Variants in OR51E2 observed in about 807,000 individuals in gnomAD.
OR51E2 encodes the protein olfactory receptor 51E2.
OR51E2 carries 14 observed loss-of-function variants against 13.7 expected under a neutral mutation model. The ratio of observed to expected loss-of-function variants is 1.02; its 90% CI spans 0.68 to 1.60. OR51E2 has a LOEUF of 1.60. OR51E2 is among the 40% of genes most tolerant of loss of function. The probability of loss-of-function intolerance (pLI) is 0.00; values close to 1 mark genes in which losing one functional copy is unlikely to be tolerated. For synonymous variants in OR51E2, 180 were observed against 157.6 expected, an observed-to-expected ratio of 1.14 and a Z score of -1.07; for missense variants, 483 against 413.8, an observed-to-expected ratio of 1.17 and a Z score of -1.45.
rs1284564746 is a variant in OR51E2, at chr11:4,681,342, C to T, written c.*407G>A. 1.0e-5 allele frequency: 2 copies of T among 194,604 alleles called. No individual in the cohort carries two copies. Among genetic ancestry groups the T allele is most frequent in the Non-Finnish European group, 2.1e-5 (2 of 95,320 alleles). 12.1% of individuals were successfully genotyped at this position (194,604 alleles called of 1,614,324 possible). On this transcript the variant is annotated 3_prime_UTR_variant, in exon 2 of 2. Transcript: ENST00000396950. Reference sequence around the variant, plus strand: ...ACTCCAGCCTGGTGACAGAGCGAGACCCCATCTCAAAAAAAAAAAAAGTTG... The same window carrying T: ...ACTCCAGCCTGGTGACAGAGCGAGATCCCATCTCAAAAAAAAAAAAAGTTG...
intron 1 of OR51E2, among the ~76,000 whole-genome samples, chr11:4,695,718 A>G (rs964494345): frequency 6.6e-6 from 1 of 151,518 alleles, no homozygotes; most frequent in African/African-American, 2.4e-5. Context: ...AGCAATGTTT[A>G]CCTCCTCCTC....
intron 1 of OR51E2, among the ~76,000 whole-genome samples, chr11:4,683,202 A>C (rs1443800142): frequency 2.0e-5 from 3 of 152,170 alleles, no homozygotes; most frequent in Non-Finnish European, 4.4e-5. Flanking sequence ...ATATGCATTT[A>C]ATTCATGAGA....
In OR51E2 at chr11:4,682,121, A is replaced by C. The variant is rs769737441; in HGVS notation, c.591T>G (p.Tyr197Ter). ...AYADTLPNVV[Y>*]GLTAILLVMG... ...TGACCAGCAGAATGGCAGTAAGACC[A>C]TATACCACATTGGGCAAAGTGTCTG... Residue 197 changes from tyrosine (Y) to a stop codon, truncating the protein, a stop_gained, in exon 2 of 2, where the codon TAT becomes TAG. Transcript: ENST00000396950. LOFTEE classifies it high-confidence loss of function. 1.4e-5 allele frequency: 23 copies of C among 1,614,142 alleles called. No individual in the cohort carries two copies. Among genetic ancestry groups the C allele is most frequent in the Non-Finnish European group, 1.9e-5 (23 of 1,180,046 alleles).
At chr11:4,683,091 T>C (rs547170409) in intron 1 of OR51E2, among the ~76,000 whole-genome samples, 2 of 152,292 alleles carry the variant, frequency 1.3e-5, no homozygotes, top group Admixed American at 6.5e-5. Flanking sequence ...GGGAGCTCCT[T>C]CCAGATAAGG....
At chr11:4,696,331 A>G (rs768402505) in intron 1 of OR51E2, among the ~76,000 whole-genome samples, 2 of 152,122 alleles carry the variant, frequency 1.3e-5, no homozygotes, top group Admixed American at 6.6e-5. Flanking sequence ...CTAGTAAATC[A>G]TTGAATTAAA....
At position 4,695,312 on chromosome 11, in the gene OR51E2, T is replaced by C. The variant is rs574714109; in HGVS notation, c.-51+2341A>G. The stretch of plus-strand genomic sequence containing the variant: ...TTTCCCTCTTTAGTATCTTGTTTAG[T>C]GCCATTGGTTGCTTTTTTGAAGTCT... On this transcript the variant is annotated intron_variant, in intron 1 of 1. Transcript: ENST00000396950. Among the ~76,000 whole-genome samples, 5 of 152,352 alleles carry C rather than the reference T, an allele frequency of 3.3e-5. No homozygotes were observed. In the South Asian group the frequency reaches 1.0e-3, roughly 32 times the overall value.
chr11:4,691,151 AG>A (rs1221285339), intron 1 of OR51E2: 2 of 456,558 alleles, frequency 4.4e-6, no homozygotes, highest in African/African-American at 4.0e-5. Context: ...TCATCACATC[AG>A]GGTGGTAGCA....
chr11:4,684,506 G>A (rs1011462535), intron 1 of OR51E2, among the ~76,000 whole-genome samples: 2 of 152,138 alleles, frequency 1.3e-5, no homozygotes, highest in African/African-American at 4.8e-5. Flanking sequence ...CAGAGAAATG[G>A]GACCCAGGGT....
intron 1 of OR51E2, among the ~76,000 whole-genome samples, chr11:4,693,765 CTTGT>C (rs2133252830): frequency 6.6e-6 from 1 of 152,198 alleles, no homozygotes; most frequent in East Asian, 1.9e-4. Context: ...CAACAGTGCA[CTTGT>C]AACACTTCTC....
chr11:4,683,058 T>G (rs750680092), intron 1 of OR51E2, among the ~76,000 whole-genome samples: 5 of 152,182 alleles, frequency 3.3e-5, no homozygotes, highest in Non-Finnish European at 5.9e-5. Flanking sequence ...TTTTTTCTGA[T>G]AGGTGTTAAG....
rs1011380231 is a variant in OR51E2 at position 4,681,572 on chromosome 11, T to A, written c.*177A>T. ...TGTAGTCTTTAAATCATGTAATACTTCATTAGTATGTATTATTCCACATAA... is the reference window on the plus strand; with the variant it reads ...TGTAGTCTTTAAATCATGTAATACTACATTAGTATGTATTATTCCACATAA... On this transcript the variant is annotated 3_prime_UTR_variant, in exon 2 of 2. Coordinates refer to ENST00000396950, the MANE Select transcript of OR51E2 (RefSeq NM_030774.4). The A allele has an allele frequency of 4.7e-6, 3 of 632,438 alleles. No homozygotes were observed. Among genetic ancestry groups the A allele is most frequent in the Non-Finnish European group, 5.4e-6 (2 of 367,742 alleles). The allele number at this position is 632,438 out of a possible 1,614,324, so 39.2% of individuals were successfully genotyped here.
In OR51E2 at chr11:4,681,164, AC is replaced by A. The variant is rs1361027398; in HGVS notation, c.*584del. The A allele has an allele frequency of 6.4e-6, 1 of 156,824 alleles. No homozygotes were observed. Among genetic ancestry groups the A allele is most frequent in the African/African-American group, 2.4e-5 (1 of 41,448 alleles). 9.7% of individuals were successfully genotyped at this position (156,824 alleles called of 1,614,324 possible). On this transcript the variant is annotated 3_prime_UTR_variant, in exon 2 of 2. Transcript: ENST00000396950. ...CAGGAGATCGAGACCATCCTGGCCA[AC>A]ATGGTGAAACTCTGTCTCTACTAAA...
chr11:4,689,724 G>A (rs369374505), intron 1 of OR51E2, among the ~76,000 whole-genome samples: 1 of 152,078 alleles, frequency 6.6e-6, no homozygotes, highest in African/African-American at 2.4e-5. Flanking sequence ...TTCATTTGTA[G>A]TCACTTTCCA....
At position 4,681,904 on chromosome 11, in the gene OR51E2, T is replaced by C; in HGVS notation, c.808A>G (p.Ile270Val). 6.2e-7 allele frequency: 1 copy of C among 1,614,018 alleles called. No individual in the cohort carries two copies. The highest frequency in any genetic ancestry group is 8.5e-7 in the Non-Finnish European group (1 of 1,180,010). The change falls in exon 2 of 2, where the codon ATT becomes GTT. Residue 270 changes from isoleucine (I) to valine (V), a missense_variant. By Grantham distance (29) the Ile-to-Val change is conservative. Transcript: ENST00000396950. ...ATGTCACCCATGACAACACGCACAA[T>C]GGGATGAAGGCTGTTTCCAAAGCGG... ...VHRFGNSLHP[I>V]VRVVMGDIYL...
rs1847448451 is a variant in OR51E2, at chr11:4,681,408, A to C, written c.*341T>G. The C allele has an allele frequency of 4.3e-6, 1 of 234,306 alleles. No homozygotes were observed. The highest frequency in any genetic ancestry group is 8.3e-6 in the Non-Finnish European group (1 of 120,288). 14.5% of individuals were successfully genotyped at this position (234,306 alleles called of 1,614,324 possible). A position where few individuals can be genotyped will look rare whatever the true frequency, so the allele number is the denominator to read the frequency against. On this transcript the variant is annotated 3_prime_UTR_variant, in exon 2 of 2. Coordinates refer to ENST00000396950, the MANE Select transcript of OR51E2 (RefSeq NM_030774.4). ...CATAATAAAAAAAAAAGAAAGAAAA[A>C]AGAGAGAGAAAGTAGGGACAACACT...
chr11:4,688,024 C>A (rs552531636), intron 1 of OR51E2, among the ~76,000 whole-genome samples: 15 of 152,252 alleles, frequency 9.9e-5, no homozygotes, highest in South Asian at 4.2e-4. Flanking sequence ...AGAGCCAGAT[C>A]ATTAAGACAT....
chr11:4,689,380 G>C (rs540456201), intron 1 of OR51E2, among the ~76,000 whole-genome samples: 81 of 152,278 alleles, frequency 5.3e-4, no homozygotes, highest in African/African-American at 1.9e-3. Flanking sequence ...GTAAGGATGA[G>C]AGTGAATACA....
At chr11:4,688,676 C>A (rs1014476959) in intron 1 of OR51E2, among the ~76,000 whole-genome samples, 4 of 152,026 alleles carry the variant, frequency 2.6e-5, no homozygotes, top group Non-Finnish European at 5.9e-5. Context: ...AAGGAAGGAC[C>A]ACCAGAAAGC....
chr11:4,682,071 G>C lies in OR51E2; in HGVS notation c.641C>G (p.Ser214Cys). The C allele has an allele frequency of 6.2e-7, 1 of 1,614,226 alleles. No homozygotes were observed. Reference sequence around the variant, plus strand: ...TCGTATTATCAGAAAATAGGACAAGGAGATGAACATTACGTCCACGCCCAT... The same window carrying C: ...TCGTATTATCAGAAAATAGGACAAGCAGATGAACATTACGTCCACGCCCAT... ...LVMGVDVMFISLSYFLIIRTV... is the reference protein window; with the variant it reads ...LVMGVDVMFICLSYFLIIRTV... The change falls in exon 2 of 2, where the codon TCC (serine) becomes TGC (cysteine). Residue 214 changes from serine (S) to cysteine (C), a missense_variant. Physicochemically the swap from Ser to Cys is moderately radical, Grantham distance 112 (BLOSUM62 -1). Transcript: ENST00000396950.
Sources: allele counts gnomAD v4.1 joint callset (sites outside exome capture counted in the v4.1 genomes callset), GRCh38; gene constraint gnomAD v4.1.1; transcripts MANE v1.5; gene names NCBI Gene and HGNC (gene_info 2026-07-23, HGNC 2026-07-21).